The following S100A8 variants were observed in gnomAD, a reference collection of about 807,000 sequenced individuals.
The protein encoded by S100A8 is protein S100-A8.
Under a neutral mutation model 4.2 loss-of-function variants are expected in S100A8, and 1 was observed. The observed-to-expected ratio is 0.24, with a 90% CI of 0.08 to 1.12. S100A8 has a LOEUF of 1.12. Ranked by LOEUF, S100A8 falls within the 50% of genes most tolerant of loss-of-function variation. The pLI, the probability that S100A8 is intolerant of heterozygous loss-of-function variation, is 0.53. For synonymous variants in S100A8, 41 were observed against 44.7 expected (o/e 0.92, Z 0.33); for missense variants, 96 against 111.8 (o/e 0.86, Z 0.64).
chr1:153,392,429 T>C (rs1419668706), upstream of S100A8, among the ~76,000 whole-genome samples: 1 of 152,210 alleles, frequency 6.6e-6, no homozygotes, highest in Non-Finnish European at 1.5e-5. Flanking sequence ...GGCAAGTTTG[T>C]TCCTCAAATA....
At chr1:153,419,158 T>C in the S100A8 span, 226 of 1,613,992 alleles carry the variant, frequency 1.4e-4, no homozygotes, top group Non-Finnish European at 1.7e-4. Context: ...AAAAAGGGCA[T>C]ACATTACCTC....
the S100A8 span, among the ~76,000 whole-genome samples, chr1:153,410,881 C>A: frequency 2.6e-5 from 4 of 152,286 alleles, no homozygotes; most frequent in East Asian, 7.7e-4. Flanking sequence ...ATAAAATCCA[C>A]ATGATTATCT....
chr1:153,421,966 A>T, the S100A8 span: 1 of 152,374 alleles, frequency 6.6e-6, no homozygotes, highest in South Asian at 2.1e-4. Flanking sequence ...CACACTCTCC[A>T]TGCTTATGTC....
the S100A8 span, chr1:153,418,113 A>G: frequency 1.2e-6 from 2 of 1,614,190 alleles, no homozygotes; most frequent in East Asian, 4.5e-5. Flanking sequence ...GAGGTCCATA[A>G]TAGGCATGAT....
At chr1:153,409,000 C>A in the S100A8 span, among the ~76,000 whole-genome samples, 1 of 152,188 alleles carries the variant, frequency 6.6e-6, no homozygotes, top group South Asian at 2.1e-4. Flanking sequence ...AAAGGAACAA[C>A]CGTTACCAGC....
the S100A8 span, among the ~76,000 whole-genome samples, chr1:153,415,160 T>TTG: frequency 6.6e-6 from 1 of 151,388 alleles, no homozygotes; most frequent in Non-Finnish European, 1.5e-5. Flanking sequence ...ATGTGTGCGT[T>TTG]TGTGTGTGTG....
chr1:153,400,335 C>T, the S100A8 span, among the ~76,000 whole-genome samples: 35 of 152,180 alleles, frequency 2.3e-4, no homozygotes, highest in Admixed American at 7.9e-4. Flanking sequence ...CCTACAGATG[C>T]TACCTGGGCC....
chr1:153,400,826 T>C, the S100A8 span, among the ~76,000 whole-genome samples: 1 of 152,220 alleles, frequency 6.6e-6, no homozygotes, highest in African/African-American at 2.4e-5. Flanking sequence ...CAGGAAAATG[T>C]CCACCATTGC....
At chr1:153,390,735 G>A in intron 1 of S100A8, 178 bp from the exon 2 acceptor site, 1 of 754,494 alleles carries the variant, frequency 1.3e-6, no homozygotes, top group South Asian at 1.9e-5. Flanking sequence ...GGATACACGT[G>A]TGGGAAGGGG....
the S100A8 span, among the ~76,000 whole-genome samples, chr1:153,418,508 C>G: frequency 3.3e-5 from 5 of 152,250 alleles, no homozygotes; most frequent in East Asian, 9.7e-4. Flanking sequence ...CTGACCCTCT[C>G]TCTGTGAGAC....
chr1:153,392,375 C>T (rs1307224080), upstream of S100A8, among the ~76,000 whole-genome samples: 2 of 152,188 alleles, frequency 1.3e-5, no homozygotes, highest in Admixed American at 6.5e-5. Flanking sequence ...AAGCCTAATG[C>T]ACTGTTAGTG....
chr1:153,418,880 TC>T, the S100A8 span, among the ~76,000 whole-genome samples: 1 of 152,100 alleles, frequency 6.6e-6, no homozygotes, highest in Non-Finnish European at 1.5e-5. Flanking sequence ...GGGACTGCTC[TC>T]CCCAAGGTCA....
upstream of S100A8, among the ~76,000 whole-genome samples, chr1:153,391,824 T>TTGCATAAACACAGCAGGGAG (rs1411475084): frequency 6.6e-6 from 1 of 152,110 alleles, no homozygotes; most frequent in East Asian, 1.9e-4. Context: ...CCTTTCACCC[T>TTGCATAAACACAGCAGGGAG]CTCTTGGTTA....
chr1:153,418,233 G>C, the S100A8 span: 10 of 1,613,634 alleles, frequency 6.2e-6, no homozygotes, highest in African/African-American at 5.3e-5. Context: ...TGTGAGTTGG[G>C]GTCTAGCTTC....
At chr1:153,393,973 C>T (rs994815465), upstream of S100A8, among the ~76,000 whole-genome samples, 2 of 152,160 alleles carry the variant, frequency 1.3e-5, no homozygotes, top group East Asian at 1.9e-4. Flanking sequence ...GCCCCCTCCC[C>T]AGAAACTGCG....
the S100A8 span, among the ~76,000 whole-genome samples, chr1:153,399,893 C>A: frequency 6.6e-6 from 1 of 152,182 alleles, no homozygotes; most frequent in African/African-American, 2.4e-5. Flanking sequence ...AAGAGCGCGG[C>A]CCCCTCAGGG....
the S100A8 span, among the ~76,000 whole-genome samples, chr1:153,397,218 A>C: frequency 2.0e-5 from 3 of 152,246 alleles, no homozygotes; most frequent in Admixed American, 6.5e-5. Flanking sequence ...CCCCAAGAGC[A>C]GAGTCGACCT....
At chr1:153,411,075 A>G in the S100A8 span, among the ~76,000 whole-genome samples, 3 of 152,218 alleles carry the variant, frequency 2.0e-5, no homozygotes, top group African/African-American at 7.2e-5. Flanking sequence ...GGTGCAAGAC[A>G]GGGATGCCCT....
Position 153,390,577 on chromosome 1 carries a change from G to A in S100A8, c.-22-20C>T. ...CCCCACCTGAAAAACAGAACCTTCTGGGGAATCCCATGGCAGGGAATTTGC... is the reference window on the plus strand; with the variant it reads ...CCCCACCTGAAAAACAGAACCTTCTAGGGAATCCCATGGCAGGGAATTTGC... On this transcript the variant is annotated intron_variant, in intron 1 of 2. Transcript: ENST00000368733. The A allele has an allele frequency of 2.5e-6, 4 of 1,612,224 alleles. No individual in the cohort carries two copies. Among genetic ancestry groups the A allele is most frequent in the African/African-American group, 1.3e-5 (1 of 75,008 alleles).
Sources: allele counts gnomAD v4.1 joint callset (sites outside exome capture counted in the v4.1 genomes callset), GRCh38; gene constraint gnomAD v4.1.1; transcripts MANE v1.5; gene names NCBI Gene and HGNC (gene_info 2026-07-23, HGNC 2026-07-21).